The following LDLRAD4 variants were observed in gnomAD, a reference collection of about 807,000 sequenced individuals.
The protein encoded by LDLRAD4 is low density lipoprotein receptor class A domain containing 4.
A neutral mutation model predicts 17.0 loss-of-function variants in LDLRAD4; 5 were observed. That is an observed-to-expected ratio of 0.29 (90% CI 0.15 to 0.62). The LOEUF (loss-of-function observed/expected upper bound fraction) is 0.62, where lower values mean the gene tolerates loss of function less well. Ranked by LOEUF, LDLRAD4 falls within the 20% of genes least tolerant of loss-of-function variation. LDLRAD4 has a pLI of 0.84. For missense variants in LDLRAD4, 340 were observed against 424.7 expected, an observed-to-expected ratio of 0.80 and a Z score of 1.75; for synonymous variants, 168 against 171.8, an observed-to-expected ratio of 0.98 and a Z score of 0.17.
intron 3 of LDLRAD4, among the ~76,000 whole-genome samples, chr18:13,479,395 C>T (rs368740940): frequency 2.2e-4 from 33 of 152,292 alleles, no homozygotes; most frequent in African/African-American, 5.3e-4. Flanking sequence ...CCAAGACAGG[C>T]GAATCACCTG....
At chr18:13,382,338 C>A (rs2085432224) in intron 1 of LDLRAD4, among the ~76,000 whole-genome samples, 1 of 152,158 alleles carries the variant, frequency 6.6e-6, no homozygotes, top group African/African-American at 2.4e-5. Flanking sequence ...TCCTGAATGA[C>A]TCTGAGGAGG....
intron 1 of LDLRAD4, among the ~76,000 whole-genome samples, chr18:13,356,832 AAC>A (rs1461102831): frequency 6.6e-6 from 1 of 152,166 alleles, no homozygotes; most frequent in Non-Finnish European, 1.5e-5. Flanking sequence ...CTCTAATTAG[AAC>A]ACTTGAAATG....
chr18:13,349,531 C>G (rs1257409296), intron 1 of LDLRAD4, among the ~76,000 whole-genome samples: 1 of 152,108 alleles, frequency 6.6e-6, no homozygotes, highest in Non-Finnish European at 1.5e-5. Flanking sequence ...CATTTCATAC[C>G]CTTTAGCATT....
chr18:13,360,498 T>TA (rs1364763779), intron 1 of LDLRAD4, among the ~76,000 whole-genome samples: 7 of 149,588 alleles, frequency 4.7e-5, no homozygotes, highest in African/African-American at 1.5e-4. Context: ...ATATCAACAC[T>TA]AAAAAAAGTA....
intron 4 of LDLRAD4, among the ~76,000 whole-genome samples, chr18:13,642,921 ATTTTTTG>A (rs565611618): frequency 0.019 from 2,355 of 126,506 alleles, 27 homozygotes; most frequent in Middle Eastern, 0.082. Context: ...TTGTTTATCT[ATTTTTTG>A]TTTTTTTTTT....
At chr18:13,294,840 G>A (rs77363824) in intron 1 of LDLRAD4, among the ~76,000 whole-genome samples, 1 of 144,278 alleles carries the variant, frequency 6.9e-6, no homozygotes, top group Admixed American at 6.9e-5. Flanking sequence ...AAAAAAAAAA[G>A]TTGTCTTTTT....
intron 1 of LDLRAD4, among the ~76,000 whole-genome samples, chr18:13,224,683 T>C (rs1022401694): frequency 6.6e-6 from 1 of 151,828 alleles, no homozygotes; most frequent in African/African-American, 2.4e-5. Context: ...GGTTTCAGCG[T>C]GTTAGCCAGG....
rs940579829 is a variant in LDLRAD4 at position 13,610,287 on chromosome 18, T to G, written c.182-10830T>G. Among the ~76,000 whole-genome samples the G allele has an allele frequency of 2.9e-5, 2 of 68,026 alleles. 1 individual carries two copies. The highest frequency in any genetic ancestry group is 6.0e-5 in the Non-Finnish European group (2 of 33,076). The allele number at this position is 68,026 out of a possible 152,430, so 44.6% of individuals were successfully genotyped here. Reference sequence around the variant, plus strand: ...CTAATTTTTTTTTTTTTTTTTTTTTTTTTTTTTTTTTTTTTTTTGAGACGG... The same window carrying G: ...CTAATTTTTTTTTTTTTTTTTTTTTGTTTTTTTTTTTTTTTTTTGAGACGG... On this transcript the variant is annotated intron_variant, in intron 3 of 5. Coordinates refer to ENST00000359446, the Ensembl canonical transcript of LDLRAD4.
At chr18:13,261,515 G>C (rs1312875748) in intron 1 of LDLRAD4, among the ~76,000 whole-genome samples, 1 of 152,144 alleles carries the variant, frequency 6.6e-6, no homozygotes, top group African/African-American at 2.4e-5. Context: ...CCTTGCTGTT[G>C]GTTTTAGGTT....
In LDLRAD4 at chr18:13,495,382, G is replaced by A. The variant is rs1183776145; in HGVS notation, c.181+56998G>A. Reference sequence around the variant, plus strand: ...AGGGCTTAAAATGCTACAAACAATTGAGATTGTAAATGTATCTCGTCTGTT... The same window carrying A: ...AGGGCTTAAAATGCTACAAACAATTAAGATTGTAAATGTATCTCGTCTGTT... On this transcript the variant is annotated intron_variant, in intron 3 of 5. Transcript: ENST00000359446. 2.0e-5 allele frequency among the ~76,000 whole-genome samples: 3 copies of A among 152,146 alleles called. 1 individual carries two copies. The highest frequency in any genetic ancestry group is 7.2e-5 in the African/African-American group (3 of 41,426).
chr18:13,306,337 T>C (rs1161582297), intron 1 of LDLRAD4, among the ~76,000 whole-genome samples: 4 of 152,228 alleles, frequency 2.6e-5, no homozygotes, highest in Admixed American at 1.3e-4. Flanking sequence ...GAGAACTCTT[T>C]TCCTGGATTA....
At chr18:13,237,966 G>T (rs1174846149) in intron 1 of LDLRAD4, among the ~76,000 whole-genome samples, 1 of 152,154 alleles carries the variant, frequency 6.6e-6, no homozygotes, top group Non-Finnish European at 1.5e-5. Context: ...TGCCCACCCT[G>T]GTTCTTAAGG....
At chr18:13,599,118 C>T (rs1222624491) in intron 3 of LDLRAD4, among the ~76,000 whole-genome samples, 1 of 152,176 alleles carries the variant, frequency 6.6e-6, no homozygotes, top group East Asian at 1.9e-4. Context: ...ACCTCTGCAA[C>T]AGGGACGTGC....
chr18:13,626,674 A>G (rs1384180622), intron 4 of LDLRAD4, among the ~76,000 whole-genome samples: 1 of 152,246 alleles, frequency 6.6e-6, no homozygotes, highest in Non-Finnish European at 1.5e-5. Context: ...CGATTGTGAA[A>G]ATCCAGGTGC....
In LDLRAD4 at chr18:13,263,240, G is replaced by C. The variant is rs543567514; in HGVS notation, c.-466-14865G>C. On this transcript the variant is annotated intron_variant, in intron 1 of 5. Transcript: ENST00000399848. ...GCTCTGTGCGTGGGGGCTGAGTCCC[G>C]TGCGGCTCTGCGTGGAAACCGAATC... 2.0e-5 allele frequency among the ~76,000 whole-genome samples: 3 copies of C among 150,596 alleles called. No homozygotes were observed. The South Asian group carries it at 6.3e-4, about 32-fold the overall frequency.
intron 3 of LDLRAD4, among the ~76,000 whole-genome samples, chr18:13,452,706 C>T (rs757355466): frequency 5.3e-5 from 8 of 152,178 alleles, no homozygotes; most frequent in Non-Finnish European, 1.0e-4. Context: ...GAGCTTTCTG[C>T]GTGTATGAAC....
chr18:13,247,551 T>C (rs1247601112), intron 1 of LDLRAD4, among the ~76,000 whole-genome samples: 1 of 152,174 alleles, frequency 6.6e-6, no homozygotes, highest in Non-Finnish European at 1.5e-5. Flanking sequence ...AATTTCAAAC[T>C]CTGTAGTAGA....
At chr18:13,535,642 G>A (rs1428338593) in intron 3 of LDLRAD4, among the ~76,000 whole-genome samples, 1 of 152,106 alleles carries the variant, frequency 6.6e-6, no homozygotes, top group African/African-American at 2.4e-5. Context: ...TTTCAAAGAT[G>A]AAGAGCTTTT....
At chr18:13,285,856 T>TA (rs923529523) in intron 1 of LDLRAD4, among the ~76,000 whole-genome samples, 1 of 152,018 alleles carries the variant, frequency 6.6e-6, no homozygotes, top group Admixed American at 6.6e-5. Flanking sequence ...TTTGTCCCTT[T>TA]AAAAAAAACT....
Sources: allele counts gnomAD v4.1 joint callset (sites outside exome capture counted in the v4.1 genomes callset), GRCh38; gene constraint gnomAD v4.1.1; transcripts MANE v1.5; gene names NCBI Gene and HGNC (gene_info 2026-07-23, HGNC 2026-07-21).